The following UNC5D variants were observed in gnomAD, a reference collection of about 807,000 sequenced individuals.
UNC5D encodes netrin receptor UNC5D.
Under a neutral mutation model 105.4 loss-of-function variants are expected in UNC5D, and 39 were observed. The ratio of observed to expected loss-of-function variants is 0.37; its 90% confidence interval spans 0.29 to 0.48. The LOEUF is 0.48. Among genes scored for constraint, UNC5D ranks in the 20% least tolerant of loss-of-function variants. The probability of loss-of-function intolerance (pLI) is 0.98; values close to 1 mark genes in which losing one functional copy is unlikely to be tolerated. For missense variants in UNC5D, 991 were observed against 1,202.4 expected, an observed-to-expected ratio of 0.82 and a Z score of 2.60; for synonymous variants, 452 against 450.4, an observed-to-expected ratio of 1.00 and a Z score of -0.04.
At chr8:35,547,774 G>C (rs1815806861) in intron 1 of UNC5D, among the ~76,000 whole-genome samples, 1 of 152,128 alleles carries the variant, frequency 6.6e-6, no homozygotes, top group Non-Finnish European at 1.5e-5. Context: ...TCGGAGAGTT[G>C]GATCTGATGG....
rs543422724 is a variant in UNC5D at position 35,741,176 on chromosome 8, C to T, written c.1767-7351C>T. 4.2e-3 allele frequency among the ~76,000 whole-genome samples: 635 copies of T among 152,198 alleles called. 1 individual carries two copies. The highest frequency in any genetic ancestry group is 7.1e-3 in the Non-Finnish European group (480 of 68,012). ...GGTGATTTACACATGATTTGTGATT[C>T]CTTTAGTATATTAATTGGTAAACAC... On this transcript the variant is annotated intron_variant, in intron 11 of 16. Coordinates refer to ENST00000404895, the MANE Select transcript of UNC5D (RefSeq NM_080872.4).
chr8:35,450,350 AAGAT>A (rs1201922356), intron 1 of UNC5D, among the ~76,000 whole-genome samples: 4 of 152,268 alleles, frequency 2.6e-5, no homozygotes, highest in African/African-American at 7.2e-5. Flanking sequence ...AATCCTCAAA[AAGAT>A]AGACCACTGT....
Position 35,750,641 on chromosome 8 carries a change from G to C in UNC5D, c.1995G>C (p.Ala665=), listed in dbSNP as rs145027081. The change falls in exon 13 of 17, where the codon GCG becomes GCC. Residue 665 remains alanine, a synonymous_variant. Transcript: ENST00000404895. The part of the protein sequence containing the change: ...TSCYCLLDPF[A]CHVLLDSFGT... Reference sequence around the variant, plus strand: ...GTTACTGCCTTTTGGACCCCTTTGCGTGTCATGTGCTCCTGGACAGCTTTG... The same window carrying C: ...GTTACTGCCTTTTGGACCCCTTTGCCTGTCATGTGCTCCTGGACAGCTTTG... The C allele has an allele frequency of 1.1e-5, 17 of 1,613,912 alleles. No individual in the cohort carries two copies. Among genetic ancestry groups the C allele is most frequent in the Non-Finnish European group, 1.4e-5 (17 of 1,180,010 alleles).
At chr8:35,707,660 G>A (rs1233282393) in intron 8 of UNC5D, among the ~76,000 whole-genome samples, 1 of 152,126 alleles carries the variant, frequency 6.6e-6, no homozygotes, top group Admixed American at 6.5e-5. Flanking sequence ...TATCCATGGG[G>A]TGGCCAATGT....
intron 1 of UNC5D, among the ~76,000 whole-genome samples, chr8:35,286,073 A>G (rs1806575054): frequency 6.6e-6 from 1 of 152,156 alleles, no homozygotes; most frequent in Non-Finnish European, 1.5e-5. Context: ...GGCAGTTAGG[A>G]CTGACTGTAG....
At chr8:35,392,359 T>G (rs1609345) in intron 1 of UNC5D, among the ~76,000 whole-genome samples, 81,067 of 151,872 alleles carry the variant, frequency 0.53, 22,404 homozygotes, top group East Asian at 0.71. Flanking sequence ...CTATGGGAGG[T>G]TGCCATCACA....
chr8:35,550,572 G>A (rs1026092752), intron 2 of UNC5D, among the ~76,000 whole-genome samples: 1 of 152,122 alleles, frequency 6.6e-6, no homozygotes, highest in Non-Finnish European at 1.5e-5. Context: ...ATATAACAAG[G>A]TAGGCCTTTC....
intron 4 of UNC5D, among the ~76,000 whole-genome samples, chr8:35,655,965 T>C (rs980890448): frequency 2.1e-4 from 32 of 152,208 alleles, no homozygotes; most frequent in African/African-American, 7.7e-4. Flanking sequence ...GGAATAATAC[T>C]CAACTTGGGC....
chr8:35,394,003 C>T (rs1264289393), intron 1 of UNC5D, among the ~76,000 whole-genome samples: 1 of 151,596 alleles, frequency 6.6e-6, no homozygotes, highest in African/African-American at 2.4e-5. Flanking sequence ...CCTCTTTCTC[C>T]TTTTTCTCTC....
chr8:35,710,851 G>T (rs1441614544), intron 8 of UNC5D, among the ~76,000 whole-genome samples: 1 of 151,724 alleles, frequency 6.6e-6, no homozygotes, highest in Non-Finnish European at 1.5e-5. Context: ...GTCTTGCCCT[G>T]CATCAGTTTA....
chr8:35,723,836 G>A (rs1828718310), intron 9 of UNC5D, among the ~76,000 whole-genome samples: 1 of 152,078 alleles, frequency 6.6e-6, no homozygotes, highest in South Asian at 2.1e-4. Flanking sequence ...TTGTGCATAA[G>A]TCCGTAGGCT....
intron 1 of UNC5D, among the ~76,000 whole-genome samples, chr8:35,321,286 G>A (rs749771365): frequency 6.6e-5 from 10 of 152,090 alleles, no homozygotes; most frequent in Non-Finnish European, 1.3e-4. Context: ...GTTTGGCTAT[G>A]TCCCCACCAA....
chr8:35,636,133 G>C (rs1457566211), intron 4 of UNC5D, among the ~76,000 whole-genome samples: 1 of 152,154 alleles, frequency 6.6e-6, no homozygotes, highest in African/African-American at 2.4e-5. Flanking sequence ...TATTGCACAT[G>C]CTTGTGATTA....
intron 4 of UNC5D, among the ~76,000 whole-genome samples, chr8:35,657,121 T>TATATATATATATA (rs1823828591): frequency 7.6e-6 from 1 of 131,616 alleles, no homozygotes; most frequent in African/African-American, 2.8e-5. Context: ...TATATATATA[T>TATATATATATATA]ATGCCAGTTG....
At chr8:35,310,053 C>G (rs1230749230) in intron 1 of UNC5D, among the ~76,000 whole-genome samples, 1 of 152,148 alleles carries the variant, frequency 6.6e-6, no homozygotes, top group African/African-American at 2.4e-5. Context: ...ATCTTGACCT[C>G]TATTCTGATA....
chr8:35,732,662 A>G (rs1829255750), intron 11 of UNC5D, among the ~76,000 whole-genome samples: 1 of 152,138 alleles, frequency 6.6e-6, no homozygotes, highest in Non-Finnish European at 1.5e-5. Flanking sequence ...AAAATCAAGT[A>G]TGAGGTATAA....
intron 1 of UNC5D, among the ~76,000 whole-genome samples, chr8:35,290,720 G>T (rs549810535): frequency 6.6e-6 from 1 of 152,166 alleles, no homozygotes; most frequent in South Asian, 2.1e-4. Context: ...AGGCCAAGGC[G>T]GGCGGATCAC....
At chr8:35,260,765 A>G (rs1804434973) in intron 1 of UNC5D, among the ~76,000 whole-genome samples, 1 of 151,320 alleles carries the variant, frequency 6.6e-6, no homozygotes, top group African/African-American at 2.4e-5. Flanking sequence ...AACTTGAACA[A>G]TGGCGTAGGG....
At chr8:35,494,575 G>C (rs766046482) in intron 1 of UNC5D, among the ~76,000 whole-genome samples, 2 of 152,074 alleles carry the variant, frequency 1.3e-5, no homozygotes, top group Non-Finnish European at 2.9e-5. Context: ...TACAAATAGT[G>C]ACCATGATGA....
Sources: allele counts gnomAD v4.1 joint callset (sites outside exome capture counted in the v4.1 genomes callset), GRCh38; gene constraint gnomAD v4.1.1; transcripts MANE v1.5; gene names NCBI Gene and HGNC (gene_info 2026-07-23, HGNC 2026-07-21).